The following OCA2 variants were observed in gnomAD, a reference collection of about 807,000 sequenced individuals.
The protein encoded by OCA2 is OCA2 melanosomal transmembrane protein.
Under a neutral mutation model 100.2 loss-of-function variants are expected in OCA2, and 77 were observed. The ratio of observed to expected loss-of-function variants is 0.77; its 90% confidence interval spans 0.64 to 0.93. OCA2 has a LOEUF of 0.93. OCA2 is among the 40% of genes least tolerant of loss of function. The pLI is 0.00. For synonymous variants in OCA2, 432 were observed against 439.2 expected (o/e 0.98, Z 0.21); for missense variants, 1,062 against 1,089.1 (o/e 0.98, Z 0.35).
intron 9 of OCA2, among the ~76,000 whole-genome samples, chr15:27,994,453 T>C (rs556313992): frequency 1.1e-3 from 175 of 152,238 alleles, no homozygotes; most frequent in African/African-American, 4.1e-3. Flanking sequence ...CTGGGAAATA[T>C]AGCACACCTC....
chr15:27,815,227 G>A (rs1319498929), intron 23 of OCA2, among the ~76,000 whole-genome samples: 1 of 152,170 alleles, frequency 6.6e-6, no homozygotes, highest in Non-Finnish European at 1.5e-5. Flanking sequence ...ACTCTGTGGT[G>A]CGTCACAGCA....
At chr15:28,064,939 G>A (rs2141699591) in intron 2 of OCA2, among the ~76,000 whole-genome samples, 1 of 151,648 alleles carries the variant, frequency 6.6e-6, no homozygotes, top group East Asian at 1.9e-4. Context: ...ATTAAATGCT[G>A]TAGCAGTCCG....
chr15:27,910,608 G>T (rs932929381), intron 19 of OCA2, among the ~76,000 whole-genome samples: 1 of 151,868 alleles, frequency 6.6e-6, no homozygotes, highest in African/African-American at 2.4e-5. Flanking sequence ...TATTCTTCAA[G>T]TAATAAAGAA....
the OCA2 span, among the ~76,000 whole-genome samples, chr15:27,744,429 G>A: frequency 6.6e-6 from 1 of 152,250 alleles, no homozygotes; most frequent in Admixed American, 6.5e-5. Flanking sequence ...GAAAGCCAGG[G>A]GTCAGGCCAG....
intron 14 of OCA2, among the ~76,000 whole-genome samples, chr15:27,967,862 G>C (rs2040626165): frequency 6.6e-6 from 1 of 152,086 alleles, no homozygotes; most frequent in Non-Finnish European, 1.5e-5. Context: ...AAACGTCCTG[G>C]AATAAGTCAG....
intron 19 of OCA2, among the ~76,000 whole-genome samples, chr15:27,922,680 G>GGTGTGTGTGTGTGT (rs60426286): frequency 6.5e-4 from 95 of 147,104 alleles, no homozygotes; most frequent in African/African-American, 2.2e-3. Flanking sequence ...TTTTGTTTGG[G>GGTGTGTGTGTGTGT]GTGTGTGTGT....
chr15:28,058,328 C>T (rs2043768352), intron 2 of OCA2, among the ~76,000 whole-genome samples: 1 of 152,218 alleles, frequency 6.6e-6, no homozygotes, highest in African/African-American at 2.4e-5. Context: ...CCGCCTCTTC[C>T]GTCTGCAATG....
the OCA2 span, among the ~76,000 whole-genome samples, chr15:27,743,747 T>G: frequency 6.6e-6 from 1 of 152,314 alleles, no homozygotes; most frequent in East Asian, 1.9e-4. Flanking sequence ...TATGTCCAGA[T>G]AGCACACGGC....
At chr15:28,086,829 G>A (rs887614130) in intron 1 of OCA2, among the ~76,000 whole-genome samples, 1 of 152,082 alleles carries the variant, frequency 6.6e-6, no homozygotes, top group African/African-American at 2.4e-5. Flanking sequence ...AAATGGAGGG[G>A]ACAGAGAAAA....
At position 27,755,316 on chromosome 15, in the gene OCA2, G is replaced by C; in HGVS notation, c.*72C>G. 9.0e-7 allele frequency: 1 copy of C among 1,105,008 alleles called. No homozygotes were observed. The highest frequency in any genetic ancestry group is 1.4e-6 in the Non-Finnish European group (1 of 718,878). The allele number at this position is 1,105,008 out of a possible 1,614,324, so 68.5% of individuals were successfully genotyped here. A position where few individuals can be genotyped will look rare whatever the true frequency, so the allele number is the denominator to read the frequency against. On this transcript the variant is annotated 3_prime_UTR_variant, in exon 24 of 24. Coordinates refer to ENST00000354638, the MANE Select transcript of OCA2 (RefSeq NM_000275.3). ...TTTTCTTCTTCAAACAGTGGGGTCAGGGTAGTTTTATGACTAATGGGTTGT... is the reference window on the plus strand; with the variant it reads ...TTTTCTTCTTCAAACAGTGGGGTCACGGTAGTTTTATGACTAATGGGTTGT...
At chr15:27,904,355 C>A (rs2038086488) in intron 19 of OCA2, among the ~76,000 whole-genome samples, 3 of 152,152 alleles carry the variant, frequency 2.0e-5, no homozygotes, top group Admixed American at 2.0e-4. Flanking sequence ...ATGCTGGGGC[C>A]TAAGAGAACC....
chr15:27,728,454 A>G, the OCA2 span, among the ~76,000 whole-genome samples: 1 of 151,720 alleles, frequency 6.6e-6, no homozygotes, highest in Non-Finnish European at 1.5e-5. Flanking sequence ...GTTTCCTGCC[A>G]GTAGAATTTT....
chr15:28,088,189 G>T (rs1319495720), intron 1 of OCA2, among the ~76,000 whole-genome samples: 1 of 152,164 alleles, frequency 6.6e-6, no homozygotes, highest in Admixed American at 6.5e-5. Flanking sequence ...GCATGCTATT[G>T]AATAACATTT....
intron 1 of OCA2, among the ~76,000 whole-genome samples, chr15:28,096,322 G>A (rs2044982539): frequency 6.6e-6 from 1 of 152,162 alleles, no homozygotes; most frequent in South Asian, 2.1e-4. Flanking sequence ...CTCCGGGGGC[G>A]TGGCTTTTCG....
intron 22 of OCA2, among the ~76,000 whole-genome samples, chr15:27,849,260 T>C (rs55904044): frequency 0.1 from 14,783 of 147,542 alleles, 2,185 homozygotes; most frequent in African/African-American, 0.3. Flanking sequence ...ACGTGCTGCC[T>C]GAGTTGTTGA....
rs932414971 is a variant in OCA2, at chr15:28,018,548, A to T, written c.656T>A (p.Leu219His). The change falls in exon 7 of 24, where the codon CTT (leucine) becomes CAT (histidine). Residue 219 changes from leucine to histidine, a missense_variant. Transcript: ENST00000354638. ...CAGCGTGGAGTCCACGTGGCTGCTA[A>T]GGTTCACGGCTCGGAGAGTGTCAAG... ...LSPLENYSVN[L>H]SSHVDSTLLQ... 1.2e-6 allele frequency: 2 copies of T among 1,613,304 alleles called. No individual in the cohort carries two copies. The highest frequency in any genetic ancestry group is 1.7e-6 in the Non-Finnish European group (2 of 1,179,932).
At position 27,845,185 on chromosome 15, in the gene OCA2, G is replaced by T. The variant is rs113905655; in HGVS notation, c.2339-133C>A. On this transcript the variant is annotated intron_variant, in intron 22 of 23. Coordinates refer to ENST00000354638, the MANE Select transcript of OCA2 (RefSeq NM_000275.3). ...ATTTTATAGTCAAAGTGACCGCTTT[G>T]TAAATATCTGGAAACACACACACAC... 1.5e-3 allele frequency: 1,125 copies of T among 742,522 alleles called. 10 individuals carry two copies. The African/African-American group carries it at 0.017, about 11-fold the overall frequency. The allele number at this position is 742,522 out of a possible 1,614,324, so 46.0% of individuals were successfully genotyped here.
chr15:27,752,726 C>T (rs2030106777), downstream of OCA2, among the ~76,000 whole-genome samples: 2 of 144,028 alleles, frequency 1.4e-5, no homozygotes, highest in South Asian at 2.5e-4. Flanking sequence ...GCTGGCACAG[C>T]CCCAGCAGAA....
intron 19 of OCA2, among the ~76,000 whole-genome samples, chr15:27,907,618 T>C (rs1017320644): frequency 1.3e-5 from 2 of 151,862 alleles, no homozygotes; most frequent in Non-Finnish European, 2.9e-5. Flanking sequence ...TCTAACTTGA[T>C]TAAGGGGAAA....
Sources: allele counts gnomAD v4.1 joint callset (sites outside exome capture counted in the v4.1 genomes callset), GRCh38; gene constraint gnomAD v4.1.1; transcripts MANE v1.5; gene names NCBI Gene and HGNC (gene_info 2026-07-23, HGNC 2026-07-21).